GNAQ: variants seen among roughly 807,000 people sequenced by gnomAD.
GNAQ encodes the protein guanine nucleotide-binding protein G(q) subunit alpha.
A neutral mutation model predicts 43.9 loss-of-function variants in GNAQ; 8 were observed. The observed-to-expected ratio is 0.18, with a 90% confidence interval of 0.11 to 0.33. The LOEUF is 0.33. Among genes scored for constraint, GNAQ ranks in the 10% least tolerant of loss-of-function variants. GNAQ has a pLI of 1.00. For missense variants in GNAQ, 158 were observed against 450.8 expected, an observed-to-expected ratio of 0.35 and a Z score of 5.88; for synonymous variants, 155 against 170.7, an observed-to-expected ratio of 0.91 and a Z score of 0.71.
intron 5 of GNAQ, among the ~76,000 whole-genome samples, chr9:77,761,273 T>TG (rs1326107902): frequency 3.0e-4 from 26 of 86,910 alleles, no homozygotes; most frequent in African/African-American, 5.5e-4. Context: ...GGGAGGGAGG[T>TG]GGGGGGGTCA....
intron 2 of GNAQ, among the ~76,000 whole-genome samples, chr9:77,868,481 T>A (rs1827982800): frequency 6.6e-6 from 1 of 152,352 alleles, no homozygotes; most frequent in Non-Finnish European, 1.5e-5. Flanking sequence ...CAGCTTTAAA[T>A]ATAAAATTTA....
At chr9:77,814,353 G>A (rs1826977784) in intron 3 of GNAQ, among the ~76,000 whole-genome samples, 1 of 152,072 alleles carries the variant, frequency 6.6e-6, no homozygotes, top group Non-Finnish European at 1.5e-5. Flanking sequence ...AGAACTATAT[G>A]AAGGTATGGA....
chr9:77,750,294 A>G (rs938007165), intron 5 of GNAQ, among the ~76,000 whole-genome samples: 3 of 152,188 alleles, frequency 2.0e-5, no homozygotes, highest in African/African-American at 7.2e-5. Flanking sequence ...TTGATATTCA[A>G]TCTTTCTTAA....
intron 1 of GNAQ, among the ~76,000 whole-genome samples, chr9:77,962,695 G>A (rs950759274): frequency 6.6e-6 from 1 of 151,960 alleles, no homozygotes; most frequent in African/African-American, 2.4e-5. Flanking sequence ...TGTGAAGCCA[G>A]CCTGGCCAAC....
At chr9:77,943,413 G>A (rs1348806307) in intron 1 of GNAQ, among the ~76,000 whole-genome samples, 2 of 152,116 alleles carry the variant, frequency 1.3e-5, no homozygotes, top group East Asian at 3.9e-4. Context: ...AAGAACACTG[G>A]GAATGTTAGT....
At chr9:77,750,594 C>T (rs980055087) in intron 5 of GNAQ, among the ~76,000 whole-genome samples, 15 of 152,084 alleles carry the variant, frequency 9.9e-5, no homozygotes, top group African/African-American at 3.4e-4. Flanking sequence ...CCTGAATATG[C>T]TTACATATTT....
chr9:78,016,009 A>G (rs1823833734), intron 1 of GNAQ, among the ~76,000 whole-genome samples: 1 of 152,214 alleles, frequency 6.6e-6, no homozygotes. Context: ...ATGAGAAAAG[A>G]ATACGTTTTT....
At chr9:77,874,937 A>C (rs187366771) in intron 2 of GNAQ, among the ~76,000 whole-genome samples, 2 of 152,048 alleles carry the variant, frequency 1.3e-5, no homozygotes, top group African/African-American at 4.8e-5. Flanking sequence ...AAAGTTTAAA[A>C]TAACCCTCTC....
chr9:77,729,660 G>A (rs1825455753), intron 5 of GNAQ, among the ~76,000 whole-genome samples: 1 of 152,160 alleles, frequency 6.6e-6, no homozygotes, highest in Admixed American at 6.5e-5. Flanking sequence ...CCCATGAGGA[G>A]ATAAAAGCCA....
intron 5 of GNAQ, among the ~76,000 whole-genome samples, chr9:77,757,346 T>C (rs1042951030): frequency 5.3e-5 from 8 of 152,162 alleles, no homozygotes; most frequent in Non-Finnish European, 1.2e-4. Flanking sequence ...GCTAGCCTCA[T>C]ATCTACCCTT....
intron 1 of GNAQ, among the ~76,000 whole-genome samples, chr9:78,023,874 G>C (rs1823942331): frequency 7.4e-6 from 1 of 134,838 alleles, no homozygotes; most frequent in Non-Finnish European, 1.7e-5. Context: ...AAAAAGTCTG[G>C]CTAGATCTCT....
intron 5 of GNAQ, among the ~76,000 whole-genome samples, chr9:77,781,204 T>A (rs528481074): frequency 6.6e-6 from 1 of 152,220 alleles, no homozygotes; most frequent in South Asian, 2.1e-4. Context: ...TTCCCCTATG[T>A]TTTCCTCTAG....
At chr9:77,989,211 T>G (rs1406730877) in intron 1 of GNAQ, among the ~76,000 whole-genome samples, 1 of 152,198 alleles carries the variant, frequency 6.6e-6, no homozygotes, top group African/African-American at 2.4e-5. Flanking sequence ...AAAAACCCAT[T>G]CTCATCCGTC....
chr9:77,983,655 G>A (rs1587444960), intron 1 of GNAQ, among the ~76,000 whole-genome samples: 1 of 152,084 alleles, frequency 6.6e-6, no homozygotes, highest in African/African-American at 2.4e-5. Context: ...TGTGGCACAG[G>A]GTTTGGCTGA....
chr9:78,020,567 A>G (rs1307134853), intron 1 of GNAQ, among the ~76,000 whole-genome samples: 4 of 152,166 alleles, frequency 2.6e-5, no homozygotes, highest in African/African-American at 9.7e-5. Flanking sequence ...GACAATGAGG[A>G]TGAAAACACG....
At chr9:77,807,561 T>C (rs1036516849) in intron 3 of GNAQ, among the ~76,000 whole-genome samples, 2 of 152,198 alleles carry the variant, frequency 1.3e-5, no homozygotes, top group South Asian at 2.1e-4. Context: ...CCAGGAAATA[T>C]GATCTAGAAC....
At chr9:78,001,559 T>G (rs1823644301) in intron 1 of GNAQ, among the ~76,000 whole-genome samples, 1 of 152,064 alleles carries the variant, frequency 6.6e-6, no homozygotes, top group South Asian at 2.1e-4. Context: ...AAATAAATGT[T>G]ACTTTGAATT....
At chr9:77,988,537 C>G (rs569145891) in intron 1 of GNAQ, among the ~76,000 whole-genome samples, 6 of 152,308 alleles carry the variant, frequency 3.9e-5, no homozygotes, top group African/African-American at 1.4e-4. Flanking sequence ...AGGGGACAGA[C>G]AGATCTGATT....
chr9:77,932,484 C>T (rs557911650), intron 1 of GNAQ, among the ~76,000 whole-genome samples: 1 of 151,954 alleles, frequency 6.6e-6, no homozygotes, highest in African/African-American at 2.4e-5. Flanking sequence ...TTTGAGATAC[C>T]CTCTTAAGAA....
Sources: allele counts gnomAD v4.1 joint callset (sites outside exome capture counted in the v4.1 genomes callset), GRCh38; gene constraint gnomAD v4.1.1; transcripts MANE v1.5; gene names NCBI Gene and HGNC (gene_info 2026-07-23, HGNC 2026-07-21).